COL26A1: variants seen among roughly 807,000 people sequenced by gnomAD.
COL26A1 encodes collagen type XXVI alpha 1 chain, also known as collagen alpha-1(XXVI) chain.
COL26A1 carries 41 observed loss-of-function variants against 59.3 expected under a neutral mutation model. The ratio of observed to expected loss-of-function variants is 0.69; its 90% CI spans 0.54 to 0.90. COL26A1 has a LOEUF of 0.90. COL26A1 is among the 40% of genes least tolerant of loss of function. The probability of loss-of-function intolerance (pLI) is 0.00; values close to 1 mark genes in which losing one functional copy is unlikely to be tolerated. For missense variants in COL26A1, 612 were observed against 602.3 expected, an observed-to-expected ratio of 1.02 and a Z score of -0.17; for synonymous variants, 266 against 256.0, an observed-to-expected ratio of 1.04 and a Z score of -0.37.
chr7:101,539,282 G>A (rs976324952), intron 4 of COL26A1, among the ~76,000 whole-genome samples: 1 of 137,390 alleles, frequency 7.3e-6, no homozygotes, highest in Non-Finnish European at 1.5e-5. Flanking sequence ...TTCTGTCTGT[G>A]TGTGTGTGTG....
intron 1 of COL26A1, among the ~76,000 whole-genome samples, chr7:101,408,557 G>T (rs1191830005): frequency 6.6e-6 from 1 of 152,144 alleles, no homozygotes; most frequent in Non-Finnish European, 1.5e-5. Context: ...GGGCTGGTGG[G>T]CATGGAGGGG....
chr7:101,419,908 G>A lies in COL26A1; in HGVS notation c.159-69G>A, dbSNP rs116473547. ...GCGGGGGCCCCTCCCTGTCCAGCAC[G>A]GCCCCCTGACCCGAAGTTGGCAGCT... On this transcript the variant is annotated intron_variant, in intron 1 of 12. Transcript: ENST00000313669. The A allele has an allele frequency of 7.9e-4, 1,239 of 1,567,788 alleles. 5 individuals are homozygous for A. The African/African-American group carries it at 0.014, about 18-fold the overall frequency.
chr7:101,392,006 C>T (rs778014971), intron 1 of COL26A1, among the ~76,000 whole-genome samples: 6 of 152,052 alleles, frequency 3.9e-5, no homozygotes, highest in Non-Finnish European at 5.9e-5. Flanking sequence ...GCATGAGCCA[C>T]AGCACCTGGC....
chr7:101,475,673 T>C (rs1794014288), intron 3 of COL26A1, among the ~76,000 whole-genome samples: 1 of 151,994 alleles, frequency 6.6e-6, no homozygotes, highest in Non-Finnish European at 1.5e-5. Flanking sequence ...GTGATGTGCA[T>C]GTGTGCCTAC....
At chr7:101,554,193 C>A (rs1195186995) in intron 11 of COL26A1, among the ~76,000 whole-genome samples, 1 of 151,872 alleles carries the variant, frequency 6.6e-6, no homozygotes, top group Admixed American at 6.6e-5. Context: ...GCAGGGGGGG[C>A]CTTGAAAGCT....
intron 3 of COL26A1, among the ~76,000 whole-genome samples, chr7:101,470,037 G>A (rs1430978029): frequency 3.3e-5 from 5 of 151,762 alleles, no homozygotes; most frequent in Non-Finnish European, 7.4e-5. Flanking sequence ...TTGAATCAGC[G>A]AAAGCAAGAG....
At chr7:101,387,488 TTTA>T (rs1351119111) in intron 1 of COL26A1, among the ~76,000 whole-genome samples, 1 of 151,518 alleles carries the variant, frequency 6.6e-6, no homozygotes, top group Non-Finnish European at 1.5e-5. Context: ...TTTTAAACTT[TTTA>T]TTATTTATAT....
intron 3 of COL26A1, among the ~76,000 whole-genome samples, chr7:101,475,858 T>TTC (rs1794026886): frequency 7.5e-6 from 1 of 133,388 alleles, no homozygotes; most frequent in South Asian, 2.4e-4. Flanking sequence ...CTCTCTCTCT[T>TTC]TTTCTCTCTC....
chr7:101,437,740 A>G (rs1792950578), intron 2 of COL26A1, among the ~76,000 whole-genome samples: 1 of 132,356 alleles, frequency 7.6e-6, no homozygotes, highest in East Asian at 2.1e-4. Flanking sequence ...ACACCCCACT[A>G]ATTTTTTTTT....
Position 101,553,574 on chromosome 7 carries a change from G to A in COL26A1, c.1080+198G>A, listed in dbSNP as rs182491269. 1.2e-3 allele frequency among the ~76,000 whole-genome samples: 190 copies of A among 152,096 alleles called. 2 individuals are homozygous for A. The highest frequency in any genetic ancestry group is 2.0e-3 in the Non-Finnish European group (136 of 67,986). On this transcript the variant is annotated intron_variant, in intron 11 of 12. Transcript: ENST00000313669. ...CAGCTGAGTACAGCAGTGATTGCAA[G>A]AGAGTGAGAAGGTGGCTGGGTGGGG...
chr7:101,531,494 A>T (rs182828016), intron 3 of COL26A1, among the ~76,000 whole-genome samples: 1 of 152,348 alleles, frequency 6.6e-6, no homozygotes, highest in Admixed American at 6.5e-5. Flanking sequence ...AGGTACTGAC[A>T]AGGTTTTATG....
chr7:101,413,021 C>T (rs1474228811), intron 1 of COL26A1, among the ~76,000 whole-genome samples: 2 of 152,184 alleles, frequency 1.3e-5, no homozygotes, highest in African/African-American at 2.4e-5. Flanking sequence ...ATCTCTCTAT[C>T]GCATCATGAC....
intron 4 of COL26A1, 93 bp from the exon 5 acceptor site, chr7:101,539,800 C>A: frequency 3.1e-6 from 4 of 1,303,972 alleles, no homozygotes; most frequent in East Asian, 5.1e-5. Context: ...AGCTGCAGGT[C>A]TCATGGGGTG....
At chr7:101,531,551 T>G (rs1795368593) in intron 3 of COL26A1, among the ~76,000 whole-genome samples, 2 of 152,126 alleles carry the variant, frequency 1.3e-5, no homozygotes, top group Non-Finnish European at 2.9e-5. Context: ...AAATCACTGA[T>G]TTGGGCCAGC....
intron 3 of COL26A1, among the ~76,000 whole-genome samples, chr7:101,486,548 G>A (rs1225224430): frequency 1.3e-5 from 2 of 152,248 alleles, no homozygotes; most frequent in Admixed American, 6.5e-5. Context: ...AGCAGCTGCA[G>A]GGAAGAGGAC....
intron 3 of COL26A1, among the ~76,000 whole-genome samples, chr7:101,454,707 C>T (rs551035119): frequency 3.9e-5 from 6 of 152,082 alleles, no homozygotes; most frequent in Non-Finnish European, 8.8e-5. Flanking sequence ...ATGTTCCTTG[C>T]GGAGAAAATA....
At chr7:101,425,182 C>T (rs1424034668) in intron 2 of COL26A1, among the ~76,000 whole-genome samples, 1 of 150,986 alleles carries the variant, frequency 6.6e-6, no homozygotes, top group African/African-American at 2.4e-5. Flanking sequence ...GTCAGCAGTT[C>T]GAGACCAGCC....
chr7:101,428,457 G>A (rs1450719928), intron 2 of COL26A1, among the ~76,000 whole-genome samples: 1 of 152,060 alleles, frequency 6.6e-6, no homozygotes. Flanking sequence ...ATTCAGGGAG[G>A]AAAAGGAAGA....
At chr7:101,533,658 C>A (rs1185736631) in intron 4 of COL26A1, among the ~76,000 whole-genome samples, 1 of 152,104 alleles carries the variant, frequency 6.6e-6, no homozygotes, top group East Asian at 1.9e-4. Flanking sequence ...CCAGGCAGCA[C>A]TGGGCAGGGA....
Sources: gnomAD v4.1 joint callset for allele counts (sites outside exome capture counted in the v4.1 genomes callset) on GRCh38, gnomAD v4.1.1 for gene constraint, MANE v1.5 for transcripts, NCBI Gene and HGNC (gene_info 2026-07-23, HGNC 2026-07-21) for gene names.